Variants in TRDN observed in about 807,000 individuals in gnomAD.
TRDN encodes the protein triadin.
A neutral mutation model predicts 149.7 loss-of-function variants in TRDN; 161 were observed. The observed-to-expected ratio is 1.08, with a 90% CI of 0.95 to 1.23. TRDN has a LOEUF of 1.23. Ranked by LOEUF, TRDN falls within the 50% of genes most tolerant of loss-of-function variation. The pLI is 0.00. For missense variants in TRDN, 896 were observed against 823.5 expected (o/e 1.09, Z -1.08); for synonymous variants, 294 against 250.5 (o/e 1.17, Z -1.64).
intron 1 of TRDN, among the ~76,000 whole-genome samples, chr6:123,616,055 A>G (rs1785064704): frequency 6.6e-6 from 1 of 152,184 alleles, no homozygotes; most frequent in South Asian, 2.1e-4. Flanking sequence ...AGCAAAAAAG[A>G]CCTATAAAAA....
intron 27 of TRDN, 93 bp from the exon 28 acceptor site, chr6:123,273,456 G>A: frequency 1.6e-6 from 1 of 622,596 alleles, no homozygotes; most frequent in Non-Finnish European, 2.3e-6. Context: ...AATAGAACTA[G>A]GCATAACTAG....
rs1437233604 is a variant in TRDN at position 123,611,582 on chromosome 6, G to A, written c.22+25172C>T. Among the ~76,000 whole-genome samples the A allele has an allele frequency of 3.9e-5, 6 of 152,112 alleles. No homozygotes were observed. The East Asian group carries it at 1.2e-3, about 29-fold the overall frequency. ...GTCCTATTATGTATAAGACAGTGCT[G>A]GTACTTTCATATATATAGTATATGA... On this transcript the variant is annotated intron_variant, in intron 1 of 40. Coordinates refer to ENST00000334268, the MANE Select transcript of TRDN (RefSeq NM_006073.4).
chr6:123,533,255 G>A (rs1780338613), intron 4 of TRDN, among the ~76,000 whole-genome samples: 1 of 151,978 alleles, frequency 6.6e-6, no homozygotes, highest in South Asian at 2.1e-4. Context: ...TTAGAGGTAG[G>A]GGTGTGTGCA....
chr6:123,287,806 G>T (rs759302944), intron 24 of TRDN, among the ~76,000 whole-genome samples: 16 of 151,936 alleles, frequency 1.1e-4, no homozygotes, highest in Non-Finnish European at 2.2e-4. Context: ...TCAAATAATA[G>T]ACTTGATGTT....
chr6:123,427,958 T>C (rs1372016818), intron 12 of TRDN, among the ~76,000 whole-genome samples: 1 of 152,148 alleles, frequency 6.6e-6, no homozygotes, highest in Non-Finnish European at 1.5e-5. Flanking sequence ...AATACTTAAG[T>C]ATCCCCTCCA....
chr6:123,325,708 CTG>C (rs1046662624), intron 23 of TRDN, among the ~76,000 whole-genome samples: 14 of 152,054 alleles, frequency 9.2e-5, no homozygotes, highest in African/African-American at 3.4e-4. Context: ...TCACTGGACA[CTG>C]GAATATTTAT....
intron 12 of TRDN, among the ~76,000 whole-genome samples, chr6:123,423,922 TG>T (rs1238373938): frequency 1.3e-5 from 2 of 152,106 alleles, no homozygotes; most frequent in Non-Finnish European, 2.9e-5. Flanking sequence ...TGGCCTAACT[TG>T]GGTCATGGGC....
At chr6:123,224,403 C>T (rs1019622725) in intron 38 of TRDN, among the ~76,000 whole-genome samples, 23 of 151,740 alleles carry the variant, frequency 1.5e-4, no homozygotes, top group African/African-American at 5.3e-4. Flanking sequence ...CAACACCCAC[C>T]CCCAGGTTTC....
Position 123,377,884 on chromosome 6 carries a change from CT to C in TRDN, c.1200del (p.Glu401LysfsTer22). The C allele has an allele frequency of 6.6e-7, 1 of 1,521,124 alleles. No individual in the cohort carries two copies. The highest frequency in any genetic ancestry group is 1.4e-5 in the African/African-American group (1 of 72,340). The allele number at this position is 1,521,124 out of a possible 1,614,324, so 94.2% of individuals were successfully genotyped here. On this transcript the variant is annotated frameshift_variant, in exon 17 of 41. Coordinates refer to ENST00000334268, the MANE Select transcript of TRDN (RefSeq NM_006073.4). LOFTEE classifies it high-confidence loss of function. ...EQPKGKKQEK[K>X]EKHVEPAKSP... ...CAGTTACCTGGTTCCACATGTTTTT[CT>C]TTCTTTTCCTGTTCTGAAACATATT... is the stretch of plus-strand genomic sequence containing the variant.
intron 38 of TRDN, among the ~76,000 whole-genome samples, chr6:123,232,605 A>AGAGAGC (rs1775646835): frequency 6.6e-6 from 1 of 151,996 alleles, no homozygotes; most frequent in Non-Finnish European, 1.5e-5. Flanking sequence ...CTGCAGAGGC[A>AGAGAGC]TGATTGAGGG....
At chr6:123,521,980 G>C (rs1583183646) in intron 5 of TRDN, among the ~76,000 whole-genome samples, 2 of 152,150 alleles carry the variant, frequency 1.3e-5, no homozygotes, top group South Asian at 4.1e-4. Flanking sequence ...CACAAAGTAG[G>C]TACTGTGAAT....
intron 9 of TRDN, among the ~76,000 whole-genome samples, chr6:123,487,311 T>G (rs940012509): frequency 1.3e-5 from 2 of 152,134 alleles, no homozygotes; most frequent in Non-Finnish European, 2.9e-5. Flanking sequence ...TAGATCTCAT[T>G]TAAGTATCCA....
At chr6:123,225,470 G>T (rs1043550725) in intron 38 of TRDN, among the ~76,000 whole-genome samples, 1 of 151,424 alleles carries the variant, frequency 6.6e-6, no homozygotes, top group Non-Finnish European at 1.5e-5. Flanking sequence ...TTGTATGCTT[G>T]AAACTTTCTA....
At chr6:123,349,466 A>G in intron 21 of TRDN, 2 of 869,508 alleles carry the variant, frequency 2.3e-6, no homozygotes, top group Non-Finnish European at 2.8e-6. Flanking sequence ...TTTAGAATTC[A>G]CAGGAATCTA....
intron 30 of TRDN, 41 bp from the exon 31 acceptor site, chr6:123,269,907 A>G: frequency 6.3e-7 from 1 of 1,583,734 alleles, no homozygotes; most frequent in Non-Finnish European, 8.6e-7. Flanking sequence ...ATTGATGAGT[A>G]CAAACCATGG....
intron 30 of TRDN, 52 bp from the exon 31 acceptor site, chr6:123,269,918 A>G: frequency 1.3e-6 from 2 of 1,555,438 alleles, no homozygotes; most frequent in South Asian, 1.2e-5. Flanking sequence ...CAAACCATGG[A>G]AAAAATAACT....
At chr6:123,266,780 T>C (rs1303290954) in intron 32 of TRDN, among the ~76,000 whole-genome samples, 1 of 131,160 alleles carries the variant, frequency 7.6e-6, no homozygotes, top group Non-Finnish European at 1.6e-5. Context: ...TATGATATAT[T>C]ATATATGTTA....
At chr6:123,574,857 CATATAT>C (rs1162190609) in intron 1 of TRDN, among the ~76,000 whole-genome samples, 24 of 50,554 alleles carry the variant, frequency 4.7e-4, no homozygotes, top group South Asian at 1.9e-3. Flanking sequence ...TTTATATATA[CATATAT>C]ATATATATAT....
At chr6:123,237,226 T>C (rs781037402) in intron 38 of TRDN, among the ~76,000 whole-genome samples, 8 of 151,980 alleles carry the variant, frequency 5.3e-5, no homozygotes, top group South Asian at 2.1e-4. Context: ...AAATAATGAG[T>C]TTTCTGTATT....
Sources: allele counts gnomAD v4.1 joint callset (sites outside exome capture counted in the v4.1 genomes callset), GRCh38; gene constraint gnomAD v4.1.1; transcripts MANE v1.5; gene names NCBI Gene and HGNC (gene_info 2026-07-23, HGNC 2026-07-21).